The following KHDRBS2 variants were observed in gnomAD, a reference collection of about 807,000 sequenced individuals.
KHDRBS2 encodes KH RNA binding domain containing, signal transduction associated 2, also known as KH domain-containing, RNA-binding, signal transduction-associated protein 2.
In KHDRBS2, 26 loss-of-function variants were observed where a neutral mutation model predicts 44.3. That is an observed-to-expected ratio of 0.59 (90% CI 0.43 to 0.81). KHDRBS2 has a LOEUF of 0.81. Among genes scored for constraint, KHDRBS2 ranks in the 40% least tolerant of loss-of-function variants. The pLI is 0.00. For synonymous variants in KHDRBS2, 194 were observed against 151.1 expected, an observed-to-expected ratio of 1.28 and a Z score of -2.08; for missense variants, 476 against 433.1, an observed-to-expected ratio of 1.10 and a Z score of -0.88.
chr6:61,697,426 G>A (rs912362273), intron 7 of KHDRBS2, among the ~76,000 whole-genome samples, 173 bp from the exon 8 acceptor site: 2 of 151,866 alleles, frequency 1.3e-5, no homozygotes, highest in African/African-American at 4.8e-5. Context: ...TATTGACAAG[G>A]AGTGCTATGA....
intron 2 of KHDRBS2, among the ~76,000 whole-genome samples, chr6:62,159,890 G>A (rs1344392477): frequency 6.6e-6 from 1 of 152,140 alleles, no homozygotes; most frequent in Admixed American, 6.6e-5. Flanking sequence ...AGTAGGCTGA[G>A]GAAAAGGTTG....
chr6:61,827,974 G>A (rs548673789), intron 6 of KHDRBS2, among the ~76,000 whole-genome samples: 1 of 152,252 alleles, frequency 6.6e-6, no homozygotes, highest in South Asian at 2.1e-4. Flanking sequence ...GGTATAAAGT[G>A]GAGATTCTGC....
chr6:62,082,002 CA>C (rs1797494690), intron 2 of KHDRBS2, among the ~76,000 whole-genome samples: 1 of 151,872 alleles, frequency 6.6e-6, no homozygotes, highest in Admixed American at 6.6e-5. Context: ...TGAAATACAT[CA>C]AAAACACAAT....
intron 6 of KHDRBS2, among the ~76,000 whole-genome samples, chr6:61,733,126 C>T (rs1774750413): frequency 6.6e-6 from 1 of 151,988 alleles, no homozygotes; most frequent in African/African-American, 2.4e-5. Flanking sequence ...TGTTACTATC[C>T]CACTGGGAAT....
chr6:61,918,835 A>T lies in KHDRBS2; in HGVS notation c.484-17464T>A, dbSNP rs180956580. Among the ~76,000 whole-genome samples the T allele has an allele frequency of 3.3e-5, 5 of 152,048 alleles. No homozygotes were observed. The East Asian group carries it at 7.7e-4, about 24-fold the overall frequency. ...TGTGTGTGTTTGACATGCATGTAAA[A>T]TGTGTGCATTTTAGCTGTCTAATGA... On this transcript the variant is annotated intron_variant, in intron 4 of 8. Coordinates refer to ENST00000281156, the MANE Select transcript of KHDRBS2 (RefSeq NM_152688.4).
At chr6:61,638,183 G>T in the KHDRBS2 span, among the ~76,000 whole-genome samples, 1 of 152,096 alleles carries the variant, frequency 6.6e-6, no homozygotes, top group African/African-American at 2.4e-5. Flanking sequence ...AACCAAAAAA[G>T]AGCCCGCATC....
At chr6:62,095,019 C>A (rs1234415308) in intron 2 of KHDRBS2, among the ~76,000 whole-genome samples, 5 of 151,822 alleles carry the variant, frequency 3.3e-5, no homozygotes, top group African/African-American at 1.2e-4. Context: ...GTTGTTTTTG[C>A]TCAGAATTGC....
chr6:61,873,173 A>G (rs915809184), intron 6 of KHDRBS2, among the ~76,000 whole-genome samples: 1 of 152,068 alleles, frequency 6.6e-6, no homozygotes, highest in Admixed American at 6.5e-5. Context: ...ATATTCTACC[A>G]CATTTAAATA....
In KHDRBS2 at chr6:61,707,828, A is replaced by G. The variant is rs546391974; in HGVS notation, c.894-10575T>C. Among the ~76,000 whole-genome samples the G allele has an allele frequency of 3.3e-3, 504 of 151,876 alleles. 2 individuals are homozygous for G. The highest frequency in any genetic ancestry group is 4.8e-3 in the Non-Finnish European group (325 of 67,802). On this transcript the variant is annotated intron_variant, in intron 7 of 8. Transcript: ENST00000281156. Reference sequence around the variant, plus strand: ...GATAGGTATAACAAACAAGTATGATACATCCAGTCATAATGGAAAACCATG... The same window carrying G: ...GATAGGTATAACAAACAAGTATGATGCATCCAGTCATAATGGAAAACCATG...
intron 6 of KHDRBS2, among the ~76,000 whole-genome samples, chr6:61,751,609 T>C (rs1425546990): frequency 2.0e-5 from 3 of 152,196 alleles, no homozygotes; most frequent in African/African-American, 7.2e-5. Flanking sequence ...TGTGTAGTGC[T>C]GTATTTTGTC....
chr6:61,838,513 C>T (rs2127269234), intron 6 of KHDRBS2, among the ~76,000 whole-genome samples: 1 of 151,964 alleles, frequency 6.6e-6, no homozygotes, highest in East Asian at 1.9e-4. Context: ...ATAATAAAAA[C>T]ATCTTATTGT....
At chr6:61,582,806 C>G in the KHDRBS2 span, among the ~76,000 whole-genome samples, 1 of 151,124 alleles carries the variant, frequency 6.6e-6, no homozygotes, top group African/African-American at 2.4e-5. Context: ...TTTCTCTAGA[C>G]CTCATTTTAC....
At chr6:62,080,997 C>G (rs555236658) in intron 2 of KHDRBS2, among the ~76,000 whole-genome samples, 2 of 152,244 alleles carry the variant, frequency 1.3e-5, no homozygotes, top group East Asian at 3.9e-4. Context: ...ATCCTGGAAG[C>G]ACATCATCAT....
intron 2 of KHDRBS2, among the ~76,000 whole-genome samples, chr6:62,123,780 A>G (rs1367144828): frequency 6.6e-6 from 1 of 152,222 alleles, no homozygotes; most frequent in Admixed American, 6.5e-5. Context: ...GAAATCCTAC[A>G]GTGCTATTTG....
rs1418868548 is a variant in KHDRBS2 at position 61,945,099 on chromosome 6, AAAAAAAAAAAAAAGTAT to A, written c.483+32950_483+32966del. Among the ~76,000 whole-genome samples, 92 of 67,932 alleles carry A rather than the reference AAAAAAAAAAAAAAGTAT, an allele frequency of 1.4e-3. 1 individual carries two copies. Among genetic ancestry groups the A allele is most frequent in the African/African-American group, 5.0e-3 (87 of 17,246 alleles). The allele number at this position is 67,932 out of a possible 152,430, so 44.6% of individuals were successfully genotyped here. A position where few individuals can be genotyped will look rare whatever the true frequency, so the allele number is the denominator to read the frequency against. On this transcript the variant is annotated intron_variant, in intron 4 of 8. Coordinates refer to ENST00000281156, the MANE Select transcript of KHDRBS2 (RefSeq NM_152688.4). Reference sequence around the variant, plus strand: ...GAGTGAGACTCTGTCTTAAAAAAAAAAAAAAAAAAAAAAGTATATATATATATATATATATATATATA... The same window carrying A: ...GAGTGAGACTCTGTCTTAAAAAAAAAATATATATATATATATATATATATA...
intron 3 of KHDRBS2, among the ~76,000 whole-genome samples, chr6:62,009,763 C>T (rs1415598311): frequency 6.6e-6 from 1 of 152,180 alleles, no homozygotes; most frequent in African/African-American, 2.4e-5. Flanking sequence ...TTGGCAGCTT[C>T]CATGTGGTGT....
At chr6:62,161,167 G>A (rs1319455385) in intron 2 of KHDRBS2, among the ~76,000 whole-genome samples, 1 of 151,736 alleles carries the variant, frequency 6.6e-6, no homozygotes, top group East Asian at 1.9e-4. Flanking sequence ...CGATCTACTT[G>A]TGTCTTTGGA....
At chr6:61,792,274 T>C (rs986973786) in intron 6 of KHDRBS2, among the ~76,000 whole-genome samples, 20 of 151,462 alleles carry the variant, frequency 1.3e-4, no homozygotes, top group Admixed American at 1.1e-3. Context: ...TTAACTTATA[T>C]TCATATTTAT....
At chr6:62,112,639 T>A (rs1264341869) in intron 2 of KHDRBS2, among the ~76,000 whole-genome samples, 1 of 152,118 alleles carries the variant, frequency 6.6e-6, no homozygotes, top group African/African-American at 2.4e-5. Flanking sequence ...AACACTTATA[T>A]AATGAAAGAG....
Sources: gnomAD v4.1 joint callset for allele counts (sites outside exome capture counted in the v4.1 genomes callset) on GRCh38, gnomAD v4.1.1 for gene constraint, MANE v1.5 for transcripts, NCBI Gene and HGNC (gene_info 2026-07-23, HGNC 2026-07-21) for gene names.